Variants in LCA5 observed in about 807,000 individuals in gnomAD.
LCA5 encodes lebercilin.
In LCA5, 37 loss-of-function variants were observed where a neutral mutation model predicts 53.0. That is an observed-to-expected ratio of 0.70 (90% CI 0.54 to 0.92). LCA5 has a LOEUF of 0.92. Ranked by LOEUF, LCA5 falls within the 40% of genes least tolerant of loss-of-function variation. The pLI, the probability that LCA5 is intolerant of heterozygous loss-of-function variation, is 0.00. For missense variants in LCA5, 806 were observed against 790.5 expected, an observed-to-expected ratio of 1.02 and a Z score of -0.23; for synonymous variants, 303 against 282.9, an observed-to-expected ratio of 1.07 and a Z score of -0.71.
chr6:79,488,102 G>T (rs925685037), intron 7 of LCA5: 3 of 477,998 alleles, frequency 6.3e-6, no homozygotes, highest in East Asian at 3.8e-5. Flanking sequence ...TGAGATACTG[G>T]TGGGGAAGAA....
chr6:79,489,033 TTC>T (rs754049577), intron 7 of LCA5, 49 bp downstream of exon 7: 9 of 1,604,248 alleles, frequency 5.6e-6, no homozygotes, highest in Non-Finnish European at 7.7e-6. Context: ...CACTCTTTCT[TTC>T]TCAAGGGATG....
chr6:79,514,822 G>C (rs1766380796), intron 2 of LCA5, among the ~76,000 whole-genome samples: 1 of 152,050 alleles, frequency 6.6e-6, no homozygotes, highest in East Asian at 1.9e-4. Context: ...AGAACACATA[G>C]ACATACAGAG....
intron 1 of LCA5, among the ~76,000 whole-genome samples, chr6:79,528,678 G>T (rs1766866038): frequency 6.6e-6 from 1 of 152,082 alleles, no homozygotes; most frequent in African/African-American, 2.4e-5. Flanking sequence ...TCTTCTAGTG[G>T]TCAACTATTA....
At chr6:79,524,423 C>T (rs1182819998) in intron 1 of LCA5, among the ~76,000 whole-genome samples, 1 of 152,172 alleles carries the variant, frequency 6.6e-6, no homozygotes, top group African/African-American at 2.4e-5. Flanking sequence ...ACTTTTCATA[C>T]ATTCCAAATT....
At chr6:79,526,046 C>G (rs910180017) in intron 1 of LCA5, among the ~76,000 whole-genome samples, 1 of 152,104 alleles carries the variant, frequency 6.6e-6, no homozygotes, top group Non-Finnish European at 1.5e-5. Flanking sequence ...AAAGAGTAAA[C>G]AAAAAGGTGA....
At position 79,518,934 on chromosome 6, in the gene LCA5, T is replaced by C; in HGVS notation, c.-40A>G. 2 of 1,593,218 alleles carry C rather than the reference T, an allele frequency of 1.3e-6. No homozygotes were observed. Among genetic ancestry groups the C allele is most frequent in the Non-Finnish European group, 1.7e-6 (2 of 1,161,026 alleles). ...GTCTCTATTCACATAATTTCACAGA[T>C]TATTTTCTCCAGAGGAGACTATGAC... On this transcript the variant is annotated 5_prime_UTR_variant, in exon 2 of 8. Transcript: ENST00000369846.
At chr6:79,499,283 T>C (rs1056406432) in intron 3 of LCA5, among the ~76,000 whole-genome samples, 6 of 151,500 alleles carry the variant, frequency 4.0e-5, no homozygotes, top group African/African-American at 1.4e-4. Context: ...TAAAAATATA[T>C]ATACATGTAC....
chr6:79,495,060 A>T (rs1433771357), intron 3 of LCA5, among the ~76,000 whole-genome samples: 1 of 152,222 alleles, frequency 6.6e-6, no homozygotes, highest in African/African-American at 2.4e-5. Flanking sequence ...GCAGGAGGTG[A>T]GTGGCAGCGA....
At chr6:79,515,820 T>C (rs2127681451) in intron 2 of LCA5, among the ~76,000 whole-genome samples, 1 of 152,160 alleles carries the variant, frequency 6.6e-6, no homozygotes, top group African/African-American at 2.4e-5. Flanking sequence ...TGTGTACTGA[T>C]TTGGGATTCC....
rs1308026016 is a variant in LCA5 at position 79,493,696 on chromosome 6, C to A, written c.775G>T (p.Ala259Ser). ...STNSFQRQLL[A>S]ERKRAYEAHD... ...GCCTCATATGCCCTTTTCCTTTCAGCAAGCAACTGTCGTTGGAAACTGTTA... is the reference window on the plus strand; with the variant it reads ...GCCTCATATGCCCTTTTCCTTTCAGAAAGCAACTGTCGTTGGAAACTGTTA... The change falls in exon 4 of 8, where the codon GCT (alanine) becomes TCT (serine). Residue 259 changes from alanine (A) to serine (S), a missense_variant. By Grantham distance (99) the Ala-to-Ser change is moderately conservative. Coordinates refer to ENST00000369846, the MANE Select transcript of LCA5 (RefSeq NM_001122769.3). 6.2e-7 allele frequency: 1 copy of A among 1,613,614 alleles called. No individual in the cohort carries two copies.
rs970321625 is a variant in LCA5 at position 79,512,997 on chromosome 6, C to A, written c.720+215G>T. 4 of 583,432 alleles carry A rather than the reference C, an allele frequency of 6.9e-6. No homozygotes were observed. In the African/African-American group the frequency reaches 7.5e-5, roughly 11 times the overall value. 36.1% of individuals were successfully genotyped at this position (583,432 alleles called of 1,614,324 possible). On this transcript the variant is annotated intron_variant, in intron 3 of 7. Transcript: ENST00000369846. The stretch of plus-strand genomic sequence containing the variant: ...CAAATAGAGTATTTTCCCAAAATGA[C>A]TATGATCCGTCAATCAACATGTAGC...
chr6:79,529,296 A>C (rs1216458176), intron 1 of LCA5, among the ~76,000 whole-genome samples: 2 of 152,200 alleles, frequency 1.3e-5, no homozygotes, highest in African/African-American at 4.8e-5. Context: ...CAACCAAAGA[A>C]AGTAAATAGA....
At chr6:79,521,010 G>T (rs1483314850) in intron 1 of LCA5, among the ~76,000 whole-genome samples, 1 of 152,212 alleles carries the variant, frequency 6.6e-6, no homozygotes, top group Non-Finnish European at 1.5e-5. Flanking sequence ...AGTCTGTGCT[G>T]TTCAAGATGG....
chr6:79,504,098 G>A (rs898847363), intron 3 of LCA5, among the ~76,000 whole-genome samples: 2 of 152,126 alleles, frequency 1.3e-5, no homozygotes, highest in African/African-American at 4.8e-5. Context: ...CTCCCAAAAT[G>A]AAGAATTTAA....
At chr6:79,494,088 A>C (rs1769915166) in intron 3 of LCA5, among the ~76,000 whole-genome samples, 1 of 152,086 alleles carries the variant, frequency 6.6e-6, no homozygotes, top group Non-Finnish European at 1.5e-5. Context: ...CCATCTCTAT[A>C]AAATAAGAGT....
intron 7 of LCA5, 63 bp downstream of exon 7, chr6:79,489,021 C>T (rs753973586): frequency 4.5e-6 from 7 of 1,572,068 alleles, no homozygotes; most frequent in Admixed American, 1.7e-5. Flanking sequence ...TTAGAAGACG[C>T]TCACTCTTTC....
chr6:79,502,767 A>T (rs1278856631), intron 3 of LCA5, among the ~76,000 whole-genome samples: 1 of 152,240 alleles, frequency 6.6e-6, no homozygotes, highest in Admixed American at 6.5e-5. Context: ...ATGTGATAAA[A>T]TTCCAAGGAT....
In LCA5 at chr6:79,489,223, T is replaced by C. The variant is rs188022675; in HGVS notation, c.1099-7A>G. ...GCTTTTGAGATTGCAAGTCCTATTA[T>C]ACGTTAAAAAAAATGCAAGTTCACA... On this transcript the variant is annotated splice_polypyrimidine_tract_variant and splice_region_variant and intron_variant, in intron 6 of 7. Coordinates refer to ENST00000369846, the MANE Select transcript of LCA5 (RefSeq NM_001122769.3). 3 of 1,610,200 alleles carry C rather than the reference T, an allele frequency of 1.9e-6. No homozygotes were observed. Among genetic ancestry groups the C allele is most frequent in the South Asian group, 2.2e-5 (2 of 91,048 alleles).
At chr6:79,500,811 CA>C (rs1274306343) in intron 3 of LCA5, among the ~76,000 whole-genome samples, 2 of 151,030 alleles carry the variant, frequency 1.3e-5, no homozygotes, top group Non-Finnish European at 3.0e-5. Context: ...GCCCTTTAAA[CA>C]ATGAAGTAAG....
Sources: allele counts gnomAD v4.1 joint callset (sites outside exome capture counted in the v4.1 genomes callset), GRCh38; gene constraint gnomAD v4.1.1; transcripts MANE v1.5; gene names NCBI Gene and HGNC (gene_info 2026-07-23, HGNC 2026-07-21).